BLOC1S5: variants seen among roughly 807,000 people sequenced by gnomAD.
BLOC1S5 encodes biogenesis of lysosome-related organelles complex 1 subunit 5.
In BLOC1S5, 27 loss-of-function variants were observed where a neutral mutation model predicts 24.3. The ratio of observed to expected loss-of-function variants is 1.11; its 90% confidence interval spans 0.82 to 1.53. The LOEUF (loss-of-function observed/expected upper bound fraction) is 1.53. BLOC1S5 is among the 40% of genes most tolerant of loss of function. The pLI is 0.00. For missense variants in BLOC1S5, 239 were observed against 229.4 expected (o/e 1.04, Z -0.27); for synonymous variants, 84 against 74.5 (o/e 1.13, Z -0.66).
At chr6:8,047,087 A>C (rs1763926500) in intron 2 of BLOC1S5, among the ~76,000 whole-genome samples, 1 of 151,960 alleles carries the variant, frequency 6.6e-6, no homozygotes. Context: ...CTTGATCTCA[A>C]CATATATTAA....
chr6:8,030,098 G>A lies in BLOC1S5; in HGVS notation c.326-3673C>T, dbSNP rs1415446516. Among the ~76,000 whole-genome samples the A allele has an allele frequency of 3.3e-5, 5 of 152,214 alleles. No homozygotes were observed. The East Asian group carries it at 7.7e-4, about 24-fold the overall frequency. On this transcript the variant is annotated intron_variant, in intron 3 of 4. Coordinates refer to ENST00000397457, the MANE Select transcript of BLOC1S5 (RefSeq NM_201280.3). ...AACAATGCAAAATAGCAGTTCTAAG[G>A]AAACTCAGTGATCTCCAGGATAACA... is the stretch of plus-strand genomic sequence containing the variant.
chr6:8,023,966 A>G (rs1408977707), intron 4 of BLOC1S5, among the ~76,000 whole-genome samples: 1 of 152,158 alleles, frequency 6.6e-6, no homozygotes, highest in Non-Finnish European at 1.5e-5. Flanking sequence ...ACAGGACTAA[A>G]AGTTTATTGC....
intron 3 of BLOC1S5, among the ~76,000 whole-genome samples, chr6:8,034,076 C>T (rs1366638190): frequency 6.6e-6 from 1 of 152,156 alleles, no homozygotes; most frequent in Non-Finnish European, 1.5e-5. Flanking sequence ...TGTGGTGATT[C>T]CTCAAGGATC....
At chr6:8,050,461 TAA>T (rs1301348091) in intron 2 of BLOC1S5, among the ~76,000 whole-genome samples, 2 of 151,962 alleles carry the variant, frequency 1.3e-5, no homozygotes, top group African/African-American at 4.8e-5. Flanking sequence ...TTCAAGTAAA[TAA>T]AGAGTCATAA....
At position 8,026,368 on chromosome 6, in the gene BLOC1S5, T is replaced by C. The variant is rs1465269927; in HGVS notation, c.383A>G (p.Lys128Arg). ...RLQQREQERK[K>R]IHSDHLVASE... ...CTCATTATCTAAATGATCTTTTACC[T>C]TTTTTCGTTCCTGTTCCCTCTGTTG... Residue 128 changes from lysine to arginine, a missense_variant and splice_region_variant, in exon 4 of 5, where the codon AAG becomes AGG. Lys to Arg is a conservative substitution (Grantham distance 26, BLOSUM62 2). Coordinates refer to ENST00000397457, the MANE Select transcript of BLOC1S5 (RefSeq NM_201280.3). 6.2e-7 allele frequency: 1 copy of C among 1,602,320 alleles called. No homozygotes were observed. Among genetic ancestry groups the C allele is most frequent in the African/African-American group, 1.3e-5 (1 of 74,790 alleles).
At chr6:8,017,841 C>G (rs1338680459) in intron 4 of BLOC1S5, 1 of 152,210 alleles carries the variant, frequency 6.6e-6, no homozygotes, top group Non-Finnish European at 1.5e-5. Flanking sequence ...CAAACCTACG[C>G]CTTTTCTATC....
At chr6:8,043,229 T>C (rs1763752140) in intron 2 of BLOC1S5, among the ~76,000 whole-genome samples, 1 of 152,158 alleles carries the variant, frequency 6.6e-6, no homozygotes, top group Non-Finnish European at 1.5e-5. Context: ...CTTAGTAACT[T>C]GCTTTCAAAG....
intron 4 of BLOC1S5, among the ~76,000 whole-genome samples, chr6:8,018,946 G>T (rs771063573): frequency 2.6e-5 from 4 of 152,324 alleles, no homozygotes; most frequent in Non-Finnish European, 4.4e-5. Context: ...AATCCTGGAT[G>T]TAACCATTAT....
chr6:8,048,419 G>T (rs1385472666), intron 2 of BLOC1S5, among the ~76,000 whole-genome samples: 3 of 152,040 alleles, frequency 2.0e-5, no homozygotes, highest in Admixed American at 1.3e-4. Context: ...AGCGGAGAAG[G>T]CTAGGAAATA....
At chr6:8,051,556 T>A (rs1338121560) in intron 2 of BLOC1S5, among the ~76,000 whole-genome samples, 2 of 152,234 alleles carry the variant, frequency 1.3e-5, no homozygotes, top group African/African-American at 4.8e-5. Context: ...TTCCAATGTA[T>A]ATGAAACTGC....
At chr6:8,020,130 T>A (rs1414061866) in intron 4 of BLOC1S5, among the ~76,000 whole-genome samples, 3 of 152,242 alleles carry the variant, frequency 2.0e-5, no homozygotes, top group African/African-American at 7.2e-5. Context: ...ATAAATTTTT[T>A]AAATAACATA....
chr6:8,019,256 C>T (rs1762839653), intron 4 of BLOC1S5, among the ~76,000 whole-genome samples: 1 of 148,474 alleles, frequency 6.7e-6, no homozygotes, highest in African/African-American at 2.5e-5. Context: ...ATAGTAACTG[C>T]TAGGCATTCT....
chr6:8,024,160 T>A (rs955142639), intron 4 of BLOC1S5, among the ~76,000 whole-genome samples: 2 of 151,996 alleles, frequency 1.3e-5, no homozygotes, highest in African/African-American at 2.4e-5. Context: ...CAGTATATTT[T>A]AAAATACTAA....
At chr6:8,063,067 TAAA>T (rs1197550584) in intron 1 of BLOC1S5, among the ~76,000 whole-genome samples, 13 of 151,986 alleles carry the variant, frequency 8.6e-5, no homozygotes, top group South Asian at 8.3e-4. Context: ...ATAAATATAA[TAAA>T]AAAGCAAGTT....
chr6:8,053,685 A>T (rs748849421), intron 2 of BLOC1S5, among the ~76,000 whole-genome samples: 2 of 152,146 alleles, frequency 1.3e-5, no homozygotes, highest in Non-Finnish European at 2.9e-5. Context: ...CAAACCCACA[A>T]TATTTCTGAA....
intron 2 of BLOC1S5, among the ~76,000 whole-genome samples, chr6:8,051,436 A>C (rs1466073664): frequency 2.0e-5 from 3 of 152,182 alleles, no homozygotes; most frequent in African/African-American, 7.2e-5. Flanking sequence ...AGATTTAAGG[A>C]AAGACACCAT....
At position 8,014,830 on chromosome 6, in the gene BLOC1S5, T is replaced by G. The variant is rs1762682443; in HGVS notation, c.*819A>C. 6.6e-6 allele frequency: 1 copy of G among 152,568 alleles called. No individual in the cohort carries two copies. The highest frequency in any genetic ancestry group is 1.5e-5 in the Non-Finnish European group (1 of 68,034). The allele number at this position is 152,568 out of a possible 1,614,324, so 9.5% of individuals were successfully genotyped here. ...AGTCGAAACATGTATAGACATTATT[T>G]ATCTTATAAAGCTTACCCACAGCAA... On this transcript the variant is annotated 3_prime_UTR_variant, in exon 5 of 5. Transcript: ENST00000397457.
At chr6:8,046,797 T>A (rs1323028130) in intron 2 of BLOC1S5, among the ~76,000 whole-genome samples, 3 of 152,054 alleles carry the variant, frequency 2.0e-5, no homozygotes, top group African/African-American at 7.2e-5. Context: ...CAGGGTCTTG[T>A]TCTGTCGCTG....
At chr6:8,046,958 A>T (rs1763921015) in intron 2 of BLOC1S5, among the ~76,000 whole-genome samples, 2 of 151,496 alleles carry the variant, frequency 1.3e-5, no homozygotes, top group Admixed American at 6.6e-5. Flanking sequence ...TTTTTTAAAA[A>T]TTTTTTGTAG....
Sources: allele counts gnomAD v4.1 joint callset (sites outside exome capture counted in the v4.1 genomes callset), GRCh38; gene constraint gnomAD v4.1.1; transcripts MANE v1.5; gene names NCBI Gene and HGNC (gene_info 2026-07-23, HGNC 2026-07-21).